Variants in PHKB observed in about 807,000 individuals in gnomAD.
PHKB encodes phosphorylase kinase regulatory subunit beta, also known as phosphorylase b kinase regulatory subunit beta.
A neutral mutation model predicts 152.1 loss-of-function variants in PHKB; 122 were observed. The ratio of observed to expected loss-of-function variants is 0.80; its 90% CI spans 0.69 to 0.93. The LOEUF is 0.93. PHKB is among the 40% of genes least tolerant of loss of function. The probability of loss-of-function intolerance (pLI) is 0.00; values close to 1 mark genes in which losing one functional copy is unlikely to be tolerated. For synonymous variants in PHKB, 436 were observed against 464.9 expected, an observed-to-expected ratio of 0.94 and a Z score of 0.80; for missense variants, 1,304 against 1,328.4, an observed-to-expected ratio of 0.98 and a Z score of 0.29.
intron 27 of PHKB, among the ~76,000 whole-genome samples, chr16:47,692,324 C>T (rs574762309): frequency 4.6e-5 from 7 of 152,220 alleles, no homozygotes; most frequent in Non-Finnish European, 7.4e-5. Flanking sequence ...GTGTAAAAAA[C>T]GTGTATCTGG....
At chr16:47,538,340 T>G (rs989755612) in intron 6 of PHKB, among the ~76,000 whole-genome samples, 1 of 152,232 alleles carries the variant, frequency 6.6e-6, no homozygotes, top group African/African-American at 2.4e-5. Flanking sequence ...TTAAGGTATA[T>G]AGGCAAGGTA....
chr16:47,461,396 T>A lies in PHKB; in HGVS notation c.46T>A (p.Leu16Met). 6.2e-7 allele frequency: 1 copy of A among 1,613,166 alleles called. No individual in the cohort carries two copies. The highest frequency in any genetic ancestry group is 8.5e-7 in the Non-Finnish European group (1 of 1,179,786). ...CACGGCAGAAGTGAGCTGGAAGGTC[T>A]TGGAGCGAAGAGCTCGGACCAAGCG... is the stretch of plus-strand genomic sequence containing the variant. ...GLTAEVSWKV[L>M]ERRARTKRSG... The change falls in exon 1 of 31, where the codon TTG (leucine) becomes ATG (methionine). Residue 16 changes from leucine (L) to methionine (M), a missense_variant. Physicochemically the swap from Leu to Met is conservative, Grantham distance 15. Transcript: ENST00000323584.
intron 26 of PHKB, among the ~76,000 whole-genome samples, chr16:47,681,246 G>A (rs1387738138): frequency 6.6e-6 from 1 of 151,848 alleles, no homozygotes; most frequent in Non-Finnish European, 1.5e-5. Flanking sequence ...TGTATATTCT[G>A]TTGATTTGGG....
intron 14 of PHKB, among the ~76,000 whole-genome samples, chr16:47,631,369 C>A (rs1018294381): frequency 6.6e-6 from 1 of 152,116 alleles, no homozygotes; most frequent in Admixed American, 6.5e-5. Flanking sequence ...TGAGAATACT[C>A]AAAAAAGCTC....
At chr16:47,577,790 T>G (rs1394973717) in intron 7 of PHKB, among the ~76,000 whole-genome samples, 1 of 152,206 alleles carries the variant, frequency 6.6e-6, no homozygotes, top group East Asian at 1.9e-4. Flanking sequence ...TTTTTCTTTG[T>G]CTTTAATTTT....
intron 13 of PHKB, among the ~76,000 whole-genome samples, chr16:47,607,041 C>T (rs1035177737): frequency 2.0e-5 from 3 of 152,170 alleles, no homozygotes; most frequent in Non-Finnish European, 4.4e-5. Flanking sequence ...TCAGAAATCT[C>T]TTTTAGAATT....
intron 1 of PHKB, among the ~76,000 whole-genome samples, chr16:47,489,984 A>G (rs1053802745): frequency 6.6e-6 from 1 of 152,248 alleles, no homozygotes; most frequent in African/African-American, 2.4e-5. Context: ...GTTCACAGGA[A>G]TATACCTTAC....
chr16:47,512,692 C>T (rs1055727693), intron 5 of PHKB, among the ~76,000 whole-genome samples: 1 of 152,156 alleles, frequency 6.6e-6, no homozygotes, highest in Non-Finnish European at 1.5e-5. Flanking sequence ...ATTCCCCTCT[C>T]ACATCAGTGT....
intron 26 of PHKB, among the ~76,000 whole-genome samples, chr16:47,670,088 T>A (rs1973612557): frequency 6.6e-6 from 1 of 152,224 alleles, no homozygotes; most frequent in Non-Finnish European, 1.5e-5. Flanking sequence ...TTGTTTTATA[T>A]GAAAATGAAA....
intron 4 of PHKB, chr16:47,505,290 A>G (rs1414735031): frequency 6.6e-6 from 1 of 152,204 alleles, no homozygotes; most frequent in African/African-American, 2.4e-5. Flanking sequence ...TGCGGGATGA[A>G]CCGAATGCCG....
intron 1 of PHKB, among the ~76,000 whole-genome samples, chr16:47,478,176 A>G (rs145803322): frequency 3.9e-5 from 6 of 152,292 alleles, no homozygotes; most frequent in Middle Eastern, 3.4e-3. Context: ...AGCAATTATC[A>G]TGTATTTAAT....
chr16:47,579,107 G>A (rs7199696), intron 7 of PHKB, among the ~76,000 whole-genome samples: 17,772 of 151,984 alleles, frequency 0.12, 2,275 homozygotes, highest in African/African-American at 0.32. Context: ...AAGTCTTTTT[G>A]TGTTTGTTTT....
chr16:47,626,614 C>T (rs569490023), intron 14 of PHKB, among the ~76,000 whole-genome samples: 2 of 152,262 alleles, frequency 1.3e-5, no homozygotes, highest in Admixed American at 6.5e-5. Flanking sequence ...TCTGACTTAG[C>T]GAAGAGAACT....
intron 21 of PHKB, 44 bp from the exon 22 acceptor site, chr16:47,660,613 A>G (rs956979246): frequency 3.1e-6 from 5 of 1,612,712 alleles, no homozygotes; most frequent in South Asian, 1.1e-5. Flanking sequence ...TTGAAATTAC[A>G]TTAGAAAAGC....
intron 6 of PHKB, among the ~76,000 whole-genome samples, chr16:47,534,376 G>T (rs998910903): frequency 6.6e-6 from 1 of 152,156 alleles, no homozygotes; most frequent in African/African-American, 2.4e-5. Context: ...TTCAATGTAT[G>T]TATAGAAATA....
intron 20 of PHKB, among the ~76,000 whole-genome samples, chr16:47,655,415 A>G (rs1360572913): frequency 6.6e-6 from 1 of 152,196 alleles, no homozygotes; most frequent in African/African-American, 2.4e-5. Flanking sequence ...GATGTTGACA[A>G]ATTCTTAGTT....
At chr16:47,488,562 G>A (rs1367452696) in intron 1 of PHKB, among the ~76,000 whole-genome samples, 5 of 152,126 alleles carry the variant, frequency 3.3e-5, no homozygotes, top group African/African-American at 1.2e-4. Flanking sequence ...TTCTTCTAGG[G>A]TTTTTATGGT....
chr16:47,652,304 C>T (rs757816792), intron 20 of PHKB, among the ~76,000 whole-genome samples: 16 of 150,402 alleles, frequency 1.1e-4, no homozygotes, highest in Non-Finnish European at 2.4e-4. Flanking sequence ...GGGGTGTGAG[C>T]GGTCCCATCA....
Position 47,506,269 on chromosome 16 carries a change from T to TA in PHKB, c.405+3188dup, listed in dbSNP as rs201745641. ...TTCAGGCCTGTAATTCAAGTCAAAA[T>TA]AAAAAAAAATCATTAATATTCTGCT... is the stretch of plus-strand genomic sequence containing the variant. On this transcript the variant is annotated intron_variant, in intron 4 of 30. Transcript: ENST00000323584. 7.7e-3 allele frequency among the ~76,000 whole-genome samples: 1,158 copies of TA among 150,430 alleles called. 18 individuals are homozygous for TA. Among genetic ancestry groups the TA allele is most frequent in the African/African-American group, 0.026 (1,084 of 41,072 alleles).
Sources: gnomAD v4.1 joint callset for allele counts (sites outside exome capture counted in the v4.1 genomes callset) on GRCh38, gnomAD v4.1.1 for gene constraint, MANE v1.5 for transcripts, NCBI Gene and HGNC (gene_info 2026-07-23, HGNC 2026-07-21) for gene names.